RNH1: variants seen among roughly 807,000 people sequenced by gnomAD.
RNH1 encodes the protein ribonuclease inhibitor.
Under a neutral mutation model 46.1 loss-of-function variants are expected in RNH1, and 38 were observed. The observed-to-expected ratio is 0.82, with a 90% CI of 0.64 to 1.08. The LOEUF is 1.08. RNH1 is among the 50% of genes least tolerant of loss of function. RNH1 has a pLI of 0.00. For synonymous variants in RNH1, 319 were observed against 279.1 expected, an observed-to-expected ratio of 1.14 and a Z score of -1.43; for missense variants, 577 against 590.7, an observed-to-expected ratio of 0.98 and a Z score of 0.24.
intron 2 of RNH1, among the ~76,000 whole-genome samples, chr11:503,761 A>C (rs567230630): frequency 1.3e-5 from 2 of 151,928 alleles, no homozygotes; most frequent in Non-Finnish European, 2.9e-5. Context: ...GCTTGGTGGG[A>C]GCTCAGGGTG....
chr11:495,129 T>C, intron 9 of RNH1, 76 bp from the exon 10 acceptor site: 3 of 1,459,622 alleles, frequency 2.1e-6, no homozygotes, highest in Non-Finnish European at 2.8e-6. Context: ...GGCCTGGGCC[T>C]GGGGGGCGCG....
At chr11:506,545 G>A (rs951556258) in intron 1 of RNH1, 3 of 152,206 alleles carry the variant, frequency 2.0e-5, no homozygotes, top group Non-Finnish European at 2.9e-5. Flanking sequence ...GTCCCGGAGC[G>A]AAGCTCCGCA....
At chr11:499,512 A>G in intron 5 of RNH1, 1 of 694,134 alleles carries the variant, frequency 1.4e-6, no homozygotes, top group Non-Finnish European at 2.6e-6. Flanking sequence ...TCCCCCACAC[A>G]CACTGAGGCG....
At chr11:498,200 C>T (rs1489166275) in intron 8 of RNH1, 59 bp from the exon 9 acceptor site, 2 of 1,542,574 alleles carry the variant, frequency 1.3e-6, no homozygotes, top group Non-Finnish European at 1.7e-6. Context: ...ACAGCTGCGA[C>T]TGGCCCTTCC....
In RNH1 at chr11:504,874, G is replaced by A. The variant is rs1470253086; in HGVS notation, c.-138C>T. 1 of 152,232 alleles carries A rather than the reference G, an allele frequency of 6.6e-6. No individual in the cohort carries two copies. Among genetic ancestry groups the A allele is most frequent in the African/African-American group, 2.4e-5 (1 of 41,448 alleles). The allele number at this position is 152,232 out of a possible 1,614,324, so 9.4% of individuals were successfully genotyped here. The stretch of plus-strand genomic sequence containing the variant: ...ACTGGAGAAGGTGGAACAGGTTGAC[G>A]ATGATTTGTTGTAGCTGAGGCGAAC... On this transcript the variant is annotated 5_prime_UTR_variant, in exon 2 of 11. Coordinates refer to ENST00000354420, the MANE Select transcript of RNH1 (RefSeq NM_203387.3).
Position 494,515 on chromosome 11 carries a change from T to A in RNH1, c.*176A>T. 1 of 641,836 alleles carries A rather than the reference T, an allele frequency of 1.6e-6. No homozygotes were observed. The highest frequency in any genetic ancestry group is 2.7e-6 in the Non-Finnish European group (1 of 367,416). 39.8% of individuals were successfully genotyped at this position (641,836 alleles called of 1,614,324 possible). On this transcript the variant is annotated 3_prime_UTR_variant, in exon 11 of 11. Transcript: ENST00000354420. The stretch of plus-strand genomic sequence containing the variant: ...CCCCAGGAAGGACAAGAGCCTCTCC[T>A]GCCAAGAAAGTGCTTTAATGATTAT...
At position 502,258 on chromosome 11, in the gene RNH1, A is replaced by ATCAGCCCTGTGGGTCCTGTTT; in HGVS notation, c.-87-10_-87-9insAAACAGGACCCACAGGGCTGA. On this transcript the variant is annotated splice_polypyrimidine_tract_variant and intron_variant, in intron 2 of 10. Transcript: ENST00000354420. The surrounding 1 kb of genome is among the most constrained non-coding windows in gnomAD (Gnocchi z 5.8). ...TTCACAGGCCGGAGATTCTGCAAAC[A>ATCAGCCCTGTGGGTCCTGTTT]GGACCCACAGGGCTGATGTTTCAGG... 1 of 940,882 alleles carries ATCAGCCCTGTGGGTCCTGTTT rather than the reference A, an allele frequency of 1.1e-6. No individual in the cohort carries two copies. Among genetic ancestry groups the ATCAGCCCTGTGGGTCCTGTTT allele is most frequent in the Non-Finnish European group, 1.7e-6 (1 of 601,348 alleles). The allele number at this position is 940,882 out of a possible 1,614,324, so 58.3% of individuals were successfully genotyped here.
intron 5 of RNH1, 198 bp from the exon 6 acceptor site, chr11:499,383 C>T (rs1002089068): frequency 1.9e-5 from 13 of 672,030 alleles, no homozygotes; most frequent in Middle Eastern, 2.8e-4. Flanking sequence ...CTGGAAACCC[C>T]TCACCCCCTC....
intron 7 of RNH1, 22 bp downstream of exon 7, chr11:498,741 A>G: frequency 6.3e-7 from 1 of 1,590,556 alleles, no homozygotes. Flanking sequence ...TCCGGGAAGG[A>G]GGCCTCGCGG....
Position 501,106 on chromosome 11 carries a change from A to G in RNH1, c.102-452T>C, listed in dbSNP as rs138760880. 0.011 allele frequency: 3,633 copies of G among 316,924 alleles called. 41 individuals are homozygous for G. The highest frequency in any genetic ancestry group is 0.016 in the Non-Finnish European group (2,664 of 162,036). The allele number at this position is 316,924 out of a possible 1,614,324, so 19.6% of individuals were successfully genotyped here. ...GGAGCCACTCCAGCCTGGGTGACAG[A>G]GCAATGCCCTGTCTCTAAAAATAAA... On this transcript the variant is annotated intron_variant, in intron 3 of 10. Transcript: ENST00000354420. This position sits in a 1 kb window ranked among gnomAD's most constrained non-coding sequence, Gnocchi z 4.1.
Position 503,701 on chromosome 11 carries a change from C to T in RNH1, c.-88+1123G>A, listed in dbSNP as rs191938085. The T allele has an allele frequency of 9.8e-5, 15 of 152,368 alleles. 1 individual carries two copies. The East Asian group carries it at 2.9e-3, about 29-fold the overall frequency. The allele number at this position is 152,368 out of a possible 1,614,324, so 9.4% of individuals were successfully genotyped here. On this transcript the variant is annotated intron_variant, in intron 2 of 10. Transcript: ENST00000354420. ...CAAATCCAGCCTGACACTCCTGTGT[C>T]CTCTGCAGCCAGATGAAAGGTGGCC...
At position 499,845 on chromosome 11, in the gene RNH1, G is replaced by A. The variant is rs201983047; in HGVS notation, c.427C>T (p.Arg143Cys). ...LCEGLLDPQC[R>C]LEKLQLEYCS... ...CAAACTCACTGCAGCTTTTCCAGGC[G>A]GCACTGGGGGTCCAGGAGTCCTTCG... is the stretch of plus-strand genomic sequence containing the variant. Residue 143 changes from arginine to cysteine, a missense_variant, in exon 5 of 11, where the codon CGC becomes TGC. Physicochemically the swap from Arg to Cys is radical, Grantham distance 180. Coordinates refer to ENST00000354420, the MANE Select transcript of RNH1 (RefSeq NM_203387.3). The A allele has an allele frequency of 7.2e-5, 116 of 1,609,110 alleles. No homozygotes were observed. The highest frequency in any genetic ancestry group is 3.3e-4 in the Middle Eastern group (2 of 5,996).
In RNH1 at chr11:499,993, C is replaced by T. The variant is rs4963190; in HGVS notation, c.279G>A (p.Gln93=). The change falls in exon 5 of 11, where the codon CAG becomes CAA. Residue 93 remains glutamine, a synonymous_variant. Coordinates refer to ENST00000354420, the MANE Select transcript of RNH1 (RefSeq NM_203387.3). The part of the protein sequence containing the change: ...PSCKIQKLSL[Q]NCCLTGAGCG... ...AGCCGGCCCCCGTCAGGCAGCAGTTCTGGAGGCTGGAGCATACCTGGCTGT... is the reference window on the plus strand; with the variant it reads ...AGCCGGCCCCCGTCAGGCAGCAGTTTTGGAGGCTGGAGCATACCTGGCTGT... The T allele has an allele frequency of 6.4e-7, 1 of 1,560,494 alleles. No individual in the cohort carries two copies. The highest frequency in any genetic ancestry group is 2.4e-5 in the East Asian group (1 of 42,152).
intron 9 of RNH1, 68 bp from the exon 10 acceptor site, chr11:495,121 C>A: frequency 6.6e-7 from 1 of 1,505,800 alleles, no homozygotes; most frequent in Non-Finnish European, 9.0e-7. Flanking sequence ...GCAGAGCAGG[C>A]CTGGGCCTGG....
Position 499,064 on chromosome 11 carries a change from C to T in RNH1, c.565G>A (p.Val189Met). 1 of 1,613,326 alleles carries T rather than the reference C, an allele frequency of 6.2e-7. No homozygotes were observed. The highest frequency in any genetic ancestry group is 2.2e-5 in the East Asian group (1 of 44,884). The change falls in exon 6 of 11, where the codon GTG (valine) becomes ATG (methionine). Residue 189 changes from valine to methionine, a missense_variant. Val to Met is a conservative substitution (Grantham distance 21, BLOSUM62 1). Transcript: ENST00000354420. ...GAGTCCTTCAGGCCCTGGCACAGCA[C>T]ACGGACGCCAGCCTCATTGATGTCG... ...NNDINEAGVRVLCQGLKDSPC... is the reference protein window; with the variant it reads ...NNDINEAGVRMLCQGLKDSPC...
rs754131368 is a variant in RNH1, at chr11:499,863, G to A, written c.409C>T (p.Leu137Phe). Residue 137 changes from leucine (L) to phenylalanine (F), a missense_variant, in exon 5 of 11, where the codon CTC (leucine) becomes TTC (phenylalanine). Coordinates refer to ENST00000354420, the MANE Select transcript of RNH1 (RefSeq NM_203387.3). ...TCCAGGCGGCACTGGGGGTCCAGGA[G>A]TCCTTCGCAGAGCAGCTGCAGGCCC... ...DAGLQLLCEG[L>F]LDPQCRLEKL... 6.8e-6 allele frequency: 11 copies of A among 1,612,366 alleles called. No homozygotes were observed. The highest frequency in any genetic ancestry group is 9.3e-6 in the Non-Finnish European group (11 of 1,179,482).
rs747093842 is a variant in RNH1, at chr11:495,069, C to T, written c.1128-16G>A. 1.1e-5 allele frequency: 18 copies of T among 1,599,654 alleles called. No homozygotes were observed. The highest frequency in any genetic ancestry group is 1.2e-5 in the Non-Finnish European group (14 of 1,174,624). On this transcript the variant is annotated splice_polypyrimidine_tract_variant and intron_variant, in intron 9 of 10. Transcript: ENST00000354420. ...GTCGGCCAACCTGGGTGAAGCAGGG[C>T]GGGGGTCAGGGTGCCGGGCGTGCCT... is the stretch of plus-strand genomic sequence containing the variant.
intron 1 of RNH1, 87 bp from the exon 2 acceptor site, chr11:505,083 T>G (rs1180743929): frequency 6.6e-6 from 1 of 152,144 alleles, no homozygotes. Flanking sequence ...TTAAATGTAT[T>G]TCATTAATGC....
chr11:506,098 C>T, intron 1 of RNH1: 1 of 152,308 alleles, frequency 6.6e-6, no homozygotes, highest in Non-Finnish European at 1.5e-5. Context: ...AGGCTGTTCT[C>T]GAACTCCTGA....
Sources: allele counts gnomAD v4.1 joint callset (sites outside exome capture counted in the v4.1 genomes callset), GRCh38; gene constraint gnomAD v4.1.1; non-coding constraint Gnocchi (gnomAD v3.1); transcripts MANE v1.5; gene names NCBI Gene and HGNC (gene_info 2026-07-23, HGNC 2026-07-21).